SZT2: variants seen among roughly 807,000 people sequenced by gnomAD.
The protein encoded by SZT2 is SZT2 subunit of KICSTOR complex.
SZT2 carries 216 observed loss-of-function variants against 404.2 expected under a neutral mutation model. That is an observed-to-expected ratio of 0.53 (90% CI 0.48 to 0.60). SZT2 has a LOEUF of 0.60. Ranked by LOEUF, SZT2 falls within the 20% of genes least tolerant of loss-of-function variation. SZT2 has a pLI of 0.00. For missense variants in SZT2, 3,857 were observed against 4,459.2 expected (o/e 0.86, Z 3.85); for synonymous variants, 1,693 against 1,749.9 (o/e 0.97, Z 0.81).
chr1:43,411,716 A>C (rs1651068291), intron 4 of SZT2, among the ~76,000 whole-genome samples: 1 of 151,584 alleles, frequency 6.6e-6, no homozygotes, highest in South Asian at 2.1e-4. Flanking sequence ...AAAAACAAAA[A>C]CAAAAGCAAA....
At position 43,426,606 on chromosome 1, in the gene SZT2, A is replaced by C. The variant is rs576674585; in HGVS notation, c.3214+68A>C. On this transcript the variant is annotated intron_variant, in intron 22 of 71. Transcript: ENST00000634258. The surrounding 1 kb of genome is among the most constrained non-coding windows in gnomAD (Gnocchi z 4.9). ...CCTTTTCCCCCACCCTCACAGGGTG[A>C]TTTCTGTCTTTGAGTTTTGGCTTTC... 686 of 1,505,530 alleles carry C rather than the reference A, an allele frequency of 4.6e-4. No individual in the cohort carries two copies. Among genetic ancestry groups the C allele is most frequent in the Non-Finnish European group, 5.8e-4 (649 of 1,119,194 alleles). The allele number at this position is 1,505,530 out of a possible 1,614,324, so 93.3% of individuals were successfully genotyped here.
Position 43,423,120 on chromosome 1 carries a change from G to T in SZT2, c.2059G>T (p.Glu687Ter). The T allele has an allele frequency of 6.3e-7, 1 of 1,594,490 alleles. No homozygotes were observed. The highest frequency in any genetic ancestry group is 8.5e-7 in the Non-Finnish European group (1 of 1,178,114). The stretch of plus-strand genomic sequence containing the variant: ...TCAGATTGTGTCAGGCTTGAGGGAA[G>T]AGATCCTGCGGCTGCGTTTCCCCCA... ...RHKIVSGLREEILRLRFPHRV... is the reference protein window; with the variant it reads ...RHKIVSGLRE The change falls in exon 15 of 72, where the codon GAG becomes TAG. Residue 687 changes from glutamate to a stop codon, truncating the protein, a stop_gained. Transcript: ENST00000634258. LOFTEE classifies it high-confidence loss of function.
rs190973132 is a variant in SZT2 at position 43,422,860 on chromosome 1, A to T, written c.2014A>T (p.Thr672Ser). The T allele has an allele frequency of 2.4e-4, 376 of 1,589,878 alleles. No homozygotes were observed. Among genetic ancestry groups the T allele is most frequent in the Non-Finnish European group, 3.0e-4 (354 of 1,175,990 alleles). ...TCTTCGCCTGGGTTTTCCCATTGGC[A>T]CACCAGCACCGGCCCGGCACAAGGT... The part of the protein sequence containing the change: ...MVLRLGFPIG[T>S]PAPARHKIVS... The change falls in exon 14 of 72, where the codon ACA becomes TCA. Residue 672 changes from threonine to serine, a missense_variant. By Grantham distance (58) the Thr-to-Ser change is moderately conservative. Transcript: ENST00000634258.
At chr1:43,443,833 CCTGCA>C (rs1460007182) in intron 62 of SZT2, 37 bp downstream of exon 62, 1 of 1,610,698 alleles carries the variant, frequency 6.2e-7, no homozygotes, top group Non-Finnish European at 8.5e-7. Flanking sequence ...GTCTTCTCCT[CCTGCA>C]CTGCAAGTGA....
chr1:43,422,662 GCCCCCCCACCC>G (rs1652525014), intron 13 of SZT2, 30 bp downstream of exon 13: 2 of 1,236,920 alleles, frequency 1.6e-6, no homozygotes, highest in South Asian at 2.0e-5. Context: ...TTCACCCCCC[GCCCCCCCACCC>G]CCCCGCCACC....
intron 4 of SZT2, chr1:43,412,414 G>C (rs1267875568): frequency 6.6e-6 from 1 of 152,228 alleles, no homozygotes; most frequent in African/African-American, 2.4e-5. Flanking sequence ...TCCTGCCTCA[G>C]ACTCCTGAGT....
intron 11 of SZT2, 103 bp downstream of exon 11, chr1:43,421,406 T>C: frequency 1.4e-6 from 2 of 1,473,932 alleles, no homozygotes; most frequent in South Asian, 2.6e-5. Context: ...GTCTCACGTC[T>C]AAGGCACCTA....
At chr1:43,416,146 G>A in intron 6 of SZT2, 45 bp downstream of exon 6, 1 of 1,585,856 alleles carries the variant, frequency 6.3e-7, no homozygotes, top group Non-Finnish European at 8.5e-7. Context: ...CAGGGATACA[G>A]GAAGGGTGGG....
rs780989559 is a variant in SZT2, at chr1:43,433,085, C to T, written c.5699C>T (p.Ala1900Val). The change falls in exon 40 of 72, where the codon GCA becomes GTA. Residue 1900 changes from alanine (A) to valine (V), a missense_variant. Ala to Val is a moderately conservative substitution (Grantham distance 64, BLOSUM62 0). Coordinates refer to ENST00000634258, the MANE Select transcript of SZT2 (RefSeq NM_001365999.1). Reference sequence around the variant, plus strand: ...ACATTGCGGACTCCACCTGGGCCAGCACCTCCACAGCCTTCACTCTCAGGC... The same window carrying T: ...ACATTGCGGACTCCACCTGGGCCAGTACCTCCACAGCCTTCACTCTCAGGC... The part of the protein sequence containing the change: ...PFTLRTPPGP[A>V]PPQPSLSGLP... 6.2e-7 allele frequency: 1 copy of T among 1,614,134 alleles called. No homozygotes were observed. The highest frequency in any genetic ancestry group is 1.1e-5 in the South Asian group (1 of 91,080).
At position 43,439,271 on chromosome 1, in the gene SZT2, G is replaced by A; in HGVS notation, c.6793-87G>A. ...TCTTCTCATGCTCCCATATCTACCTGCACCACATTCCCCACTGTGGGCACC... is the reference window on the plus strand; with the variant it reads ...TCTTCTCATGCTCCCATATCTACCTACACCACATTCCCCACTGTGGGCACC... On this transcript the variant is annotated intron_variant, in intron 48 of 71. Coordinates refer to ENST00000634258, the MANE Select transcript of SZT2 (RefSeq NM_001365999.1). This position sits in a 1 kb window ranked among gnomAD's most constrained non-coding sequence, Gnocchi z 4.2. 2 of 1,542,052 alleles carry A rather than the reference G, an allele frequency of 1.3e-6. No individual in the cohort carries two copies. Among genetic ancestry groups the A allele is most frequent in the Non-Finnish European group, 1.8e-6 (2 of 1,116,994 alleles).
Position 43,447,717 on chromosome 1 carries a change from T to G in SZT2, c.9440+19T>G, listed in dbSNP as rs201105846. ...GGCACAGGTAAGGCTGAGAGGGGCA[T>G]CCAGCATGCACGCTGCAGGAGCTGG... is the stretch of plus-strand genomic sequence containing the variant. On this transcript the variant is annotated intron_variant, in intron 67 of 71. Transcript: ENST00000634258. 6.2e-7 allele frequency: 1 copy of G among 1,612,914 alleles called. No individual in the cohort carries two copies. Among genetic ancestry groups the G allele is most frequent in the Non-Finnish European group, 8.5e-7 (1 of 1,179,232 alleles).
chr1:43,441,871 C>T lies in SZT2; in HGVS notation c.7742+53C>T. 3 of 1,604,222 alleles carry T rather than the reference C, an allele frequency of 1.9e-6. No homozygotes were observed. The highest frequency in any genetic ancestry group is 2.2e-5 in the South Asian group (2 of 90,668). ...GGAACTCCCCTAGACTTCCTAAAAG[C>T]TGGGCCTACAGGAAGCCAAACCTGA... On this transcript the variant is annotated intron_variant, in intron 55 of 71. Transcript: ENST00000634258. This position sits in a 1 kb window ranked among gnomAD's most constrained non-coding sequence, Gnocchi z 4.8.
At chr1:43,407,420 T>C (rs1650451009) in intron 4 of SZT2, among the ~76,000 whole-genome samples, 1 of 151,382 alleles carries the variant, frequency 6.6e-6, no homozygotes, top group South Asian at 2.1e-4. Flanking sequence ...GGAGGCCGAG[T>C]CATGAAAATT....
Position 43,428,454 on chromosome 1 carries a change from T to C in SZT2, c.4134T>C (p.Pro1378=). The C allele has an allele frequency of 6.2e-7, 1 of 1,614,036 alleles. No individual in the cohort carries two copies. ...GCAGCATGGAGGAGGGTGCTGAACC[T>C]CGGGAACGAGCTATCCTAGCTTCTG... ...FSSSMEEGAE[P]RERAILASES... The change falls in exon 28 of 72, where the codon CCT becomes CCC. Residue 1378 remains proline (P), a synonymous_variant. Coordinates refer to ENST00000634258, the MANE Select transcript of SZT2 (RefSeq NM_001365999.1).
chr1:43,429,762 C>T lies in SZT2; in HGVS notation c.4226C>T (p.Pro1409Leu), dbSNP rs1461883856. 1 of 1,614,182 alleles carries T rather than the reference C, an allele frequency of 6.2e-7. No individual in the cohort carries two copies. Among genetic ancestry groups the T allele is most frequent in the Admixed American group, 1.7e-5 (1 of 60,028 alleles). ...EFQSTRVPGI[P>L]DPGPEISLTD... ...CAGAGCACCCGTGTCCCTGGCATTCCAGACCCTGGGCCAGAGATCTCTCTG... is the reference window on the plus strand; with the variant it reads ...CAGAGCACCCGTGTCCCTGGCATTCTAGACCCTGGGCCAGAGATCTCTCTG... Residue 1409 changes from proline (P) to leucine (L), a missense_variant, in exon 29 of 72, where the codon CCA becomes CTA. Around this residue, in one of 7 missense-constraint regions of SZT2, gnomAD observed 1,725 missense variants for 1,881.0 expected, o/e 0.92. Coordinates refer to ENST00000634258, the MANE Select transcript of SZT2 (RefSeq NM_001365999.1).
Position 43,425,935 on chromosome 1 carries a change from C to T in SZT2, c.2915C>T (p.Pro972Leu), listed in dbSNP as rs139474741. The change falls in exon 20 of 72, where the codon CCG becomes CTG. Residue 972 changes from proline to leucine, a missense_variant. Physicochemically the swap from Pro to Leu is moderately conservative, Grantham distance 98. Transcript: ENST00000634258. The surrounding 1 kb of genome is among the most constrained non-coding windows in gnomAD (Gnocchi z 4.3). ...GAATGGGGTCCTCTGCCCCCAGAGC[C>T]GAGGGTCTCTGATGGTGAGTGGGGC... ...SKEWGPLPPE[P>L]RVSDGLDQGG... The T allele has an allele frequency of 7.4e-5, 119 of 1,614,066 alleles. No homozygotes were observed. The highest frequency in any genetic ancestry group is 9.9e-5 in the Non-Finnish European group (117 of 1,179,976).
chr1:43,407,497 CAG>C (rs1421028013), intron 4 of SZT2, among the ~76,000 whole-genome samples: 2 of 151,468 alleles, frequency 1.3e-5, no homozygotes, highest in Non-Finnish European at 2.9e-5. Flanking sequence ...ACCTGAGAAA[CAG>C]AGTGAGACTC....
In SZT2 at chr1:43,437,542, A is replaced by G. The variant is rs767884209; in HGVS notation, c.6290+34A>G. 3 of 1,614,018 alleles carry G rather than the reference A, an allele frequency of 1.9e-6. No individual in the cohort carries two copies. The highest frequency in any genetic ancestry group is 2.2e-5 in the East Asian group (1 of 44,874). ...CCCTTGGAAGGTGGGTAGGGCATGA[A>G]TTAAGGATGGCCTGGGAGGAGGCAT... On this transcript the variant is annotated intron_variant, in intron 44 of 71. Transcript: ENST00000634258. This position sits in a 1 kb window ranked among gnomAD's most constrained non-coding sequence, Gnocchi z 5.3.
intron 1 of SZT2, among the ~76,000 whole-genome samples, chr1:43,401,958 A>G (rs6670653): frequency 0.014 from 2,076 of 152,148 alleles, 51 homozygotes; most frequent in African/African-American, 0.047. Flanking sequence ...CTTCACAGCC[A>G]TTGTATCTGT....
Sources: allele counts gnomAD v4.1 joint callset (sites outside exome capture counted in the v4.1 genomes callset), GRCh38; gene constraint gnomAD v4.1.1; regional missense constraint gnomAD v4.1.1; non-coding constraint Gnocchi (gnomAD v3.1); transcripts MANE v1.5; gene names NCBI Gene and HGNC (gene_info 2026-07-23, HGNC 2026-07-21).